Variants in COL4A6 observed in about 807,000 individuals in gnomAD.
COL4A6 encodes collagen alpha-6(IV) chain.
In COL4A6, 59 loss-of-function variants were observed where a neutral mutation model predicts 126.7. The ratio of observed to expected loss-of-function variants is 0.47; its 90% confidence interval spans 0.38 to 0.58. COL4A6 has a LOEUF of 0.58. Ranked by LOEUF, COL4A6 falls within the 20% of genes least tolerant of loss-of-function variation. COL4A6 has a pLI of 0.00. For missense variants in COL4A6, 1,285 were observed against 1,337.3 expected, an observed-to-expected ratio of 0.96 and a Z score of 0.61; for synonymous variants, 547 against 496.6, an observed-to-expected ratio of 1.10 and a Z score of -1.35.
intron 3 of COL4A6, among the ~76,000 whole-genome samples, chrX:108,224,983 T>C (rs1051228940): frequency 9.2e-5 from 9 of 98,239 alleles, no homozygotes; most frequent in African/African-American, 3.1e-4. Flanking sequence ...AGTCACAGAA[T>C]GTTCGAGCAG....
At chrX:108,227,755 G>A (rs2036208300) in intron 3 of COL4A6, among the ~76,000 whole-genome samples, 1 of 111,847 alleles carries the variant, frequency 8.9e-6, no homozygotes, top group African/African-American at 3.2e-5. Context: ...GACGTAAAGA[G>A]TCTGTTCTAT....
chrX:108,240,852 T>G (rs954116670), intron 3 of COL4A6, among the ~76,000 whole-genome samples: 8 of 112,290 alleles, frequency 7.1e-5, no homozygotes, highest in African/African-American at 2.6e-4. Context: ...CATTACTAAC[T>G]ATGGTTTTGC....
Position 108,180,928 on chromosome X carries a change from T to C in COL4A6, c.1992A>G (p.Pro664=). Residue 664 remains proline, a synonymous_variant, in exon 24 of 45, where the codon CCA becomes CCG. Transcript: ENST00000334504. ...ATCCGGGAGTGCCTGGAAATCCTGA[T>C]GGACCGTATGACCCAGGAATAATAC... is the stretch of plus-strand genomic sequence containing the variant. The part of the protein sequence containing the change: ...LPCIIPGSYG[P]SGFPGTPGFP... 1.7e-6 allele frequency: 2 copies of C among 1,211,525 alleles called. No homozygotes were observed. The highest frequency in any genetic ancestry group is 1.1e-6 in the Non-Finnish European group (1 of 895,109).
intron 5 of COL4A6, among the ~76,000 whole-genome samples, chrX:108,214,868 T>C (rs2035815153): frequency 8.9e-6 from 1 of 112,686 alleles, no homozygotes; most frequent in Non-Finnish European, 1.9e-5. Flanking sequence ...AGGCAGTTGT[T>C]TTGCTGGGGA....
chrX:108,255,397 GGT>G (rs2036976107), intron 3 of COL4A6, among the ~76,000 whole-genome samples: 3 of 110,042 alleles, frequency 2.7e-5, no homozygotes, highest in African/African-American at 9.9e-5. Context: ...TCAAAGGGAA[GGT>G]CAGGATGACC....
At position 108,234,705 on chromosome X, in the gene COL4A6, A is replaced by T. The variant is rs765624095; in HGVS notation, c.145-13331T>A. ...GGCATAGAAAGGCAGGAGGGATATG[A>T]TTCTCAACCCAAGGACTGTTGATGG... On this transcript the variant is annotated intron_variant, in intron 3 of 44. Transcript: ENST00000334504. Among the ~76,000 whole-genome samples the T allele has an allele frequency of 2.7e-5, 3 of 112,193 alleles. No homozygotes were observed. The South Asian group carries it at 1.1e-3, about 42-fold the overall frequency.
chrX:108,342,315 A>C (rs1239215532), intron 2 of COL4A6, among the ~76,000 whole-genome samples: 4 of 112,337 alleles, frequency 3.6e-5, no homozygotes, highest in Admixed American at 9.4e-5. Context: ...GATGCTTAGC[A>C]ATTATCTTTT....
chrX:108,386,571 T>C (rs907078949), intron 2 of COL4A6, among the ~76,000 whole-genome samples: 6 of 112,220 alleles, frequency 5.3e-5, no homozygotes, highest in Admixed American at 4.7e-4. Flanking sequence ...TGGGTTTTTT[T>C]TTCTTGTAAA....
chrX:108,364,533 C>T (rs1009569396), intron 2 of COL4A6, among the ~76,000 whole-genome samples: 7 of 110,854 alleles, frequency 6.3e-5, no homozygotes, highest in Admixed American at 2.9e-4. Flanking sequence ...ATTCATCACA[C>T]GAACAATGTG....
rs191458917 is a variant in COL4A6 at position 108,234,496 on chromosome X, C to T, written c.145-13122G>A. ...TCTACTTGTTCCACTGACAACTCAT[C>T]GGTTCAGTAAATCGATGAGGCAATT... On this transcript the variant is annotated intron_variant, in intron 3 of 44. Transcript: ENST00000334504. 3.2e-3 allele frequency among the ~76,000 whole-genome samples: 363 copies of T among 111,937 alleles called. 4 individuals carry two copies. The highest frequency in any genetic ancestry group is 0.011 in the African/African-American group (353 of 30,877).
chrX:108,406,308 C>T (rs774191485), intron 2 of COL4A6, among the ~76,000 whole-genome samples: 1 of 111,795 alleles, frequency 8.9e-6, no homozygotes, highest in Non-Finnish European at 1.9e-5. Flanking sequence ...CTACAATCCT[C>T]GCCCTTCCTC....
At chrX:108,385,904 T>A (rs1437450503) in intron 2 of COL4A6, among the ~76,000 whole-genome samples, 2 of 107,677 alleles carry the variant, frequency 1.9e-5, no homozygotes, top group African/African-American at 6.8e-5. Flanking sequence ...GTGTGTGATG[T>A]TCCCCTCCCT....
chrX:108,363,045 G>C (rs988841492), intron 2 of COL4A6, among the ~76,000 whole-genome samples: 1 of 112,261 alleles, frequency 8.9e-6, no homozygotes, highest in Non-Finnish European at 1.9e-5. Flanking sequence ...TGCAATGTGA[G>C]ATTACAGTAG....
intron 3 of COL4A6, among the ~76,000 whole-genome samples, chrX:108,238,873 A>T (rs923819422): frequency 9.0e-6 from 1 of 111,523 alleles, no homozygotes; most frequent in South Asian, 3.8e-4. Context: ...TGACTTTAAA[A>T]TTTTTGTCAA....
rs943808530 is a variant in COL4A6, at chrX:108,160,549, G to A, written c.4439C>T (p.Pro1480Leu). The A allele has an allele frequency of 5.8e-6, 7 of 1,209,423 alleles. No homozygotes were observed. The highest frequency in any genetic ancestry group is 3.0e-5 in the East Asian group (1 of 33,709). ...VKHSQSEQVP[P>L]CPIGMSQLWV... ...CAGCTGGCTCATCCCGATGGGACAC[G>A]GGGGCACCTGTTCCGACTGGCTGTG... The change falls in exon 43 of 45, where the codon CCG (proline) becomes CTG (leucine). Residue 1480 changes from proline to leucine, a missense_variant. Pro to Leu is a moderately conservative substitution (Grantham distance 98). Transcript: ENST00000334504.
chrX:108,273,936 AT>A (rs974265820), intron 3 of COL4A6, among the ~76,000 whole-genome samples: 2 of 111,721 alleles, frequency 1.8e-5, no homozygotes, highest in East Asian at 2.8e-4. Context: ...TTTATATATA[AT>A]TTTTTTTCAT....
chrX:108,179,489 T>C (rs1053790240), intron 25 of COL4A6, 51 bp from the exon 26 acceptor site: 3 of 982,170 alleles, frequency 3.1e-6, no homozygotes, highest in African/African-American at 3.8e-5. Flanking sequence ...AGAAGCAATT[T>C]GTCTGAGTAC....
At chrX:108,311,471 C>T (rs1227562460) in intron 2 of COL4A6, among the ~76,000 whole-genome samples, 2 of 110,654 alleles carry the variant, frequency 1.8e-5, no homozygotes, top group Non-Finnish European at 3.8e-5. Context: ...CCCCACATGA[C>T]CTGCCATGTG....
In COL4A6 at chrX:108,204,349, C is replaced by A; in HGVS notation, c.751G>T (p.Gly251Ter). The A allele has an allele frequency of 1.7e-6, 2 of 1,201,202 alleles. No individual in the cohort carries two copies. The highest frequency in any genetic ancestry group is 2.2e-6 in the Non-Finnish European group (2 of 889,547). Residue 251 changes from glycine to a stop codon, truncating the protein, a stop_gained, in exon 12 of 45, where the codon GGA becomes TGA. Transcript: ENST00000334504. LOFTEE classifies it high-confidence loss of function. ...PPSTGELEFM[G>*]FPKGKKGSKG... The stretch of plus-strand genomic sequence containing the variant: ...GATCCTTTCTTCCCTTTGGGGAATC[C>A]CATGAATTCCAGCTCTCCAGTAGAT...
Sources: allele counts gnomAD v4.1 joint callset (sites outside exome capture counted in the v4.1 genomes callset), GRCh38; gene constraint gnomAD v4.1.1; transcripts MANE v1.5; gene names NCBI Gene and HGNC (gene_info 2026-07-23, HGNC 2026-07-21).